EPS15L1: variants seen among roughly 807,000 people sequenced by gnomAD.
EPS15L1 encodes epidermal growth factor receptor pathway substrate 15 like 1.
EPS15L1 carries 43 observed loss-of-function variants against 117.1 expected under a neutral mutation model. The observed-to-expected ratio is 0.37, with a 90% CI of 0.29 to 0.47. The LOEUF (loss-of-function observed/expected upper bound fraction) is 0.47, where lower values mean the gene tolerates loss of function less well. Among genes scored for constraint, EPS15L1 ranks in the 20% least tolerant of loss-of-function variants. EPS15L1 has a pLI of 0.99. For synonymous variants in EPS15L1, 459 were observed against 470.5 expected (o/e 0.98, Z 0.32); for missense variants, 981 against 1,164.0 (o/e 0.84, Z 2.29).
chr19:16,470,926 C>A (rs1194729817), intron 1 of EPS15L1, among the ~76,000 whole-genome samples: 3 of 152,164 alleles, frequency 2.0e-5, no homozygotes, highest in African/African-American at 7.2e-5. Context: ...TTTATATCTC[C>A]ATTTTCCAAA....
chr19:16,428,515 A>G lies in EPS15L1; in HGVS notation c.558+187T>C, dbSNP rs112710114. On this transcript the variant is annotated intron_variant, in intron 8 of 23. Coordinates refer to ENST00000455140, the MANE Select transcript of EPS15L1 (RefSeq NM_001258374.3). ...AGGGAGGGAGGGAGAGAGAGAGAGA[A>G]AGAAAGTGAAAGAAAGAAAGGAAGA... Among the ~76,000 whole-genome samples the G allele has an allele frequency of 8.3e-4, 71 of 85,064 alleles. 1 individual carries two copies. Among genetic ancestry groups the G allele is most frequent in the African/African-American group, 2.7e-3 (57 of 20,884 alleles). 55.8% of individuals were successfully genotyped at this position (85,064 alleles called of 152,430 possible).
chr19:16,417,809 C>G (rs2092773239), intron 11 of EPS15L1, 139 bp downstream of exon 11: 2 of 1,329,938 alleles, frequency 1.5e-6, no homozygotes, highest in Non-Finnish European at 2.1e-6. Context: ...AAGCCACCCT[C>G]CCGGGGGCCC....
intron 1 of EPS15L1, among the ~76,000 whole-genome samples, chr19:16,449,184 G>T (rs1011064814): frequency 1.3e-5 from 2 of 152,014 alleles, no homozygotes; most frequent in African/African-American, 4.8e-5. Flanking sequence ...CAAAGCAGGA[G>T]GATTGCTTGA....
chr19:16,421,256 A>T (rs1016602791), intron 10 of EPS15L1, 63 bp downstream of exon 10: 2 of 1,536,486 alleles, frequency 1.3e-6, no homozygotes, highest in Non-Finnish European at 1.8e-6. Context: ...CACCCTCCAC[A>T]GTCTTCACCC....
chr19:16,392,174 A>G, intron 19 of EPS15L1, 130 bp downstream of exon 19: 1 of 1,034,982 alleles, frequency 9.7e-7, no homozygotes. Flanking sequence ...CTCCCGGAGA[A>G]CAGACACCAT....
At chr19:16,428,251 G>A (rs1380757566) in intron 8 of EPS15L1, among the ~76,000 whole-genome samples, 3 of 151,610 alleles carry the variant, frequency 2.0e-5, no homozygotes, top group African/African-American at 7.3e-5. Flanking sequence ...AGTGGCTCAC[G>A]CCTGTAATCC....
intron 1 of EPS15L1, among the ~76,000 whole-genome samples, chr19:16,452,120 C>T (rs2093150952): frequency 6.6e-6 from 1 of 150,736 alleles, no homozygotes; most frequent in South Asian, 2.1e-4. Context: ...GCCTGGGCTA[C>T]AGAGTGAGAC....
At chr19:16,425,606 G>A (rs565077151) in intron 8 of EPS15L1, among the ~76,000 whole-genome samples, 36 of 152,326 alleles carry the variant, frequency 2.4e-4, no homozygotes, top group African/African-American at 8.4e-4. Context: ...CAGCTCCAGG[G>A]CTGGCACCTT....
At chr19:16,401,678 G>A in intron 16 of EPS15L1, 1 of 985,446 alleles carries the variant, frequency 1.0e-6, no homozygotes, top group Non-Finnish European at 1.2e-6. Flanking sequence ...GGTATCAGGG[G>A]CTCAAGAGCT....
chr19:16,361,418 T>C (rs2092049155), intron 23 of EPS15L1, among the ~76,000 whole-genome samples: 1 of 152,142 alleles, frequency 6.6e-6, no homozygotes, highest in South Asian at 2.1e-4. Flanking sequence ...CGCAATCTTC[T>C]TTTCATACTT....
intron 3 of EPS15L1, 166 bp from the exon 4 acceptor site, chr19:16,441,075 GC>G (rs1372239151): frequency 4.2e-6 from 3 of 708,210 alleles, no homozygotes; most frequent in Non-Finnish European, 7.6e-6. Flanking sequence ...TGAATGATCT[GC>G]CCAGGGGCGC....
At chr19:16,465,024 A>G (rs2093290800) in intron 1 of EPS15L1, among the ~76,000 whole-genome samples, 1 of 151,898 alleles carries the variant, frequency 6.6e-6, no homozygotes, top group African/African-American at 2.4e-5. Flanking sequence ...GCTTGCAGTG[A>G]GCCGAAATTG....
intron 3 of EPS15L1, 114 bp from the exon 4 acceptor site, chr19:16,441,023 C>A: frequency 9.9e-7 from 1 of 1,006,076 alleles, no homozygotes; most frequent in Non-Finnish European, 1.6e-6. Flanking sequence ...GAGTGACTGT[C>A]CCCAGGTTGT....
chr19:16,421,180 A>G, intron 10 of EPS15L1, 139 bp downstream of exon 10: 1 of 941,812 alleles, frequency 1.1e-6, no homozygotes, highest in Non-Finnish European at 1.5e-6. Context: ...CTGTCAGGCC[A>G]GGGAGAATAA....
chr19:16,441,189 G>A, intron 3 of EPS15L1: 1 of 476,010 alleles, frequency 2.1e-6, no homozygotes, highest in South Asian at 2.1e-5. Context: ...GTCCGCAAGT[G>A]GCCAAGCGCG....
intron 1 of EPS15L1, among the ~76,000 whole-genome samples, chr19:16,456,177 G>A (rs2093194175): frequency 6.6e-6 from 1 of 152,060 alleles, no homozygotes; most frequent in Non-Finnish European, 1.5e-5. Context: ...TCCAGCCTGG[G>A]CAACAAGAGG....
chr19:16,395,484 A>G lies in EPS15L1; in HGVS notation c.1792-17T>C, dbSNP rs768763664. On this transcript the variant is annotated splice_polypyrimidine_tract_variant and intron_variant, in intron 16 of 23. Transcript: ENST00000455140. ...AGGATCATCCTACAATTTTGTGAAG[A>G]AACAGGACAGGGATTTTATTATTTC... 1 of 1,611,986 alleles carries G rather than the reference A, an allele frequency of 6.2e-7. No homozygotes were observed. The highest frequency in any genetic ancestry group is 8.5e-7 in the Non-Finnish European group (1 of 1,178,468).
chr19:16,401,017 C>T lies in EPS15L1; in HGVS notation c.1791+1304G>A, dbSNP rs527275696. 6.1e-5 allele frequency: 60 copies of T among 985,406 alleles called. No homozygotes were observed. In the South Asian group the frequency reaches 8.5e-4, roughly 14 times the overall value. The allele number at this position is 985,406 out of a possible 1,614,324, so 61.0% of individuals were successfully genotyped here. ...CCGGGTTGTGAGACGGAAACACACA[C>T]GCCAAGAACAGCCAGGGAGCAAAGC... On this transcript the variant is annotated intron_variant, in intron 16 of 23. Transcript: ENST00000455140.
intron 6 of EPS15L1, among the ~76,000 whole-genome samples, chr19:16,435,843 C>G (rs1336028349): frequency 1.3e-5 from 2 of 152,158 alleles, no homozygotes; most frequent in Non-Finnish European, 2.9e-5. Context: ...GTCCTGTGCT[C>G]CCTGACTCCT....
Sources: gnomAD v4.1 joint callset for allele counts (sites outside exome capture counted in the v4.1 genomes callset) on GRCh38, gnomAD v4.1.1 for gene constraint, MANE v1.5 for transcripts, NCBI Gene and HGNC (gene_info 2026-07-23, HGNC 2026-07-21) for gene names.